The following ZMYM4 variants were observed in gnomAD, a reference collection of about 807,000 sequenced individuals.
ZMYM4 encodes the protein zinc finger MYM-type protein 4.
Under a neutral mutation model 183.2 loss-of-function variants are expected in ZMYM4, and 31 were observed. That is an observed-to-expected ratio of 0.17 (90% CI 0.13 to 0.23). The LOEUF (loss-of-function observed/expected upper bound fraction) is 0.23. ZMYM4 is among the 10% of genes least tolerant of loss of function. The pLI, the probability that ZMYM4 is intolerant of heterozygous loss-of-function variation, is 1.00. For synonymous variants in ZMYM4, 592 were observed against 631.2 expected, an observed-to-expected ratio of 0.94 and a Z score of 0.93; for missense variants, 1,273 against 1,840.3, an observed-to-expected ratio of 0.69 and a Z score of 5.64.
intron 25 of ZMYM4, among the ~76,000 whole-genome samples, chr1:35,405,695 G>A (rs902260696): frequency 6.6e-6 from 1 of 151,468 alleles, no homozygotes; most frequent in African/African-American, 2.4e-5. Flanking sequence ...TTGACACTGT[G>A]CAAGTGCCTC....
In ZMYM4 at chr1:35,272,491, A is replaced by G. The variant is rs570188320; in HGVS notation, c.39+3406A>G. Among the ~76,000 whole-genome samples, 177 of 152,340 alleles carry G rather than the reference A, an allele frequency of 1.2e-3. 1 individual carries two copies. The highest frequency in any genetic ancestry group is 4.1e-3 in the African/African-American group (172 of 41,570). ...GGACATCTTGTGACCTCTACACAGT[A>G]GGAACTCAAAAGACTTGCTGACTTA... On this transcript the variant is annotated intron_variant, in intron 1 of 29. Coordinates refer to ENST00000314607, the MANE Select transcript of ZMYM4 (RefSeq NM_005095.3).
At chr1:35,369,051 T>C (rs1644149937) in intron 5 of ZMYM4, among the ~76,000 whole-genome samples, 1 of 152,198 alleles carries the variant, frequency 6.6e-6, no homozygotes, top group Non-Finnish European at 1.5e-5. Context: ...ATGTGTTATG[T>C]TTCTTAAATA....
Position 35,268,904 on chromosome 1 carries a change from C to T in ZMYM4, c.-143C>T, listed in dbSNP as rs563138342. ...GCCCGGCGCGCGGCATCCGCCCCCT[C>T]CCCACTCTCGGCGCAAGGCCCGGCC... is the stretch of plus-strand genomic sequence containing the variant. On this transcript the variant is annotated 5_prime_UTR_variant, in exon 1 of 30. Transcript: ENST00000314607. 1,212 of 934,774 alleles carry T rather than the reference C, an allele frequency of 1.3e-3. 1 individual carries two copies. Among genetic ancestry groups the T allele is most frequent in the Admixed American group, 2.3e-3 (51 of 22,460 alleles). 57.9% of individuals were successfully genotyped at this position (934,774 alleles called of 1,614,324 possible).
Position 35,381,704 on chromosome 1 carries a change from A to G in ZMYM4, c.1515A>G (p.Ile505Met). 1 of 1,614,234 alleles carries G rather than the reference A, an allele frequency of 6.2e-7. No homozygotes were observed. The highest frequency in any genetic ancestry group is 1.3e-5 in the African/African-American group (1 of 75,054). Residue 505 changes from isoleucine (I) to methionine (M), a missense_variant, in exon 9 of 30, where the codon ATA becomes ATG. By Grantham distance (10) the Ile-to-Met change is conservative. Around this residue, in one of 6 missense-constraint regions of ZMYM4, gnomAD observed 319 missense variants for 518.1 expected, o/e 0.62. Coordinates refer to ENST00000314607, the MANE Select transcript of ZMYM4 (RefSeq NM_005095.3). ...CGGGACAATGCCACATGCTTCAGAT[A>G]GAGGGACAGTCTAAGAAGTTTTGTA... is the stretch of plus-strand genomic sequence containing the variant. ...SGSGQCHMLQ[I>M]EGQSKKFCSS...
At chr1:35,328,061 C>G (rs145815890) in intron 2 of ZMYM4, among the ~76,000 whole-genome samples, 1,859 of 152,214 alleles carry the variant, frequency 0.012, 44 homozygotes, top group African/African-American at 0.041. Context: ...AATCATATAG[C>G]TTTCTAATGA....
chr1:35,352,336 A>T lies in ZMYM4; in HGVS notation c.86-6589A>T, dbSNP rs1273340457. Among the ~76,000 whole-genome samples the T allele has an allele frequency of 1.5e-4, 22 of 147,702 alleles. No individual in the cohort carries two copies. In the East Asian group the frequency reaches 4.4e-3, roughly 30 times the overall value. ...CCAAAGTCCAAAAAACAAAAACCAG[A>T]CTGGGCAACAGAGCAAGACCTTGTC... On this transcript the variant is annotated intron_variant, in intron 2 of 29. Coordinates refer to ENST00000314607, the MANE Select transcript of ZMYM4 (RefSeq NM_005095.3).
chr1:35,315,374 T>A (rs1021351982), intron 1 of ZMYM4, among the ~76,000 whole-genome samples: 14 of 152,266 alleles, frequency 9.2e-5, no homozygotes, highest in Non-Finnish European at 2.1e-4. Context: ...ACGTAGAACT[T>A]TGGTTTTTAT....
At position 35,359,079 on chromosome 1, in the gene ZMYM4, A is replaced by G; in HGVS notation, c.240A>G (p.Ala80=). Residue 80 remains alanine (A), a synonymous_variant, in exon 3 of 30, where the codon GCA becomes GCG. Coordinates refer to ENST00000314607, the MANE Select transcript of ZMYM4 (RefSeq NM_005095.3). ...DDYFLNSGDL[A]GIPVVGSDNE... is the part of the protein sequence containing the mutation. Reference sequence around the variant, plus strand: ...ATTTTTTGAACTCTGGGGATCTTGCAGGAATTCCAGTCGTTGGTAGTGACA... The same window carrying G: ...ATTTTTTGAACTCTGGGGATCTTGCGGGAATTCCAGTCGTTGGTAGTGACA... 1.9e-6 allele frequency: 3 copies of G among 1,613,746 alleles called. No homozygotes were observed. The highest frequency in any genetic ancestry group is 1.7e-4 in the Middle Eastern group (1 of 6,056).
At chr1:35,395,115 C>T (rs944039705) in intron 18 of ZMYM4, among the ~76,000 whole-genome samples, 4 of 151,650 alleles carry the variant, frequency 2.6e-5, no homozygotes, top group Admixed American at 1.3e-4. Context: ...TGAGATTTTG[C>T]ATTTCTTATA....
At chr1:35,282,361 C>T (rs182694254) in intron 1 of ZMYM4, among the ~76,000 whole-genome samples, 4 of 152,294 alleles carry the variant, frequency 2.6e-5, no homozygotes, top group Admixed American at 2.6e-4. Flanking sequence ...TAGCCCTCAC[C>T]AAAAGCTAAG....
chr1:35,333,890 C>T (rs1307005190), intron 2 of ZMYM4, among the ~76,000 whole-genome samples: 1 of 152,060 alleles, frequency 6.6e-6, no homozygotes, highest in Non-Finnish European at 1.5e-5. Context: ...AAGTCATCTT[C>T]TGCTTTGTTT....
chr1:35,374,654 T>G (rs1441851632), intron 7 of ZMYM4, among the ~76,000 whole-genome samples: 1 of 147,022 alleles, frequency 6.8e-6, no homozygotes, highest in Non-Finnish European at 1.5e-5. Context: ...CTAAAAAAAG[T>G]CAGCCACATC....
intron 2 of ZMYM4, among the ~76,000 whole-genome samples, chr1:35,337,078 G>T (rs924158096): frequency 6.6e-6 from 1 of 152,080 alleles, no homozygotes; most frequent in African/African-American, 2.4e-5. Context: ...CTCTTTCTGG[G>T]CCGGGCACGG....
Position 35,360,778 on chromosome 1 carries a change from G to T in ZMYM4, c.608-416G>T, listed in dbSNP as rs142233508. 5.0e-3 allele frequency among the ~76,000 whole-genome samples: 767 copies of T among 152,076 alleles called. 2 individuals carry two copies. The highest frequency in any genetic ancestry group is 0.024 in the Middle Eastern group (7 of 294). The stretch of plus-strand genomic sequence containing the variant: ...TTTTAGGGATTCTTAGAAGAGAGAT[G>T]ATTTTTAACTTAGTGAACAGGGAAG... On this transcript the variant is annotated intron_variant, in intron 3 of 29. Transcript: ENST00000314607.
At chr1:35,283,281 T>C (rs1439971308) in intron 1 of ZMYM4, among the ~76,000 whole-genome samples, 1 of 149,460 alleles carries the variant, frequency 6.7e-6, no homozygotes, top group Non-Finnish European at 1.5e-5. Context: ...TTTCAAAGTC[T>C]TTTATTTTTG....
At chr1:35,401,452 GT>G (rs1309041503) in intron 23 of ZMYM4, among the ~76,000 whole-genome samples, 3 of 152,120 alleles carry the variant, frequency 2.0e-5, no homozygotes, top group Admixed American at 1.3e-4. Flanking sequence ...TTTATTCACA[GT>G]TTTCGCACAT....
intron 13 of ZMYM4, among the ~76,000 whole-genome samples, chr1:35,388,679 C>T (rs1310019178): frequency 6.6e-6 from 1 of 151,914 alleles, no homozygotes; most frequent in Non-Finnish European, 1.5e-5. Context: ...AAAACTTTGT[C>T]CTAGACCACT....
intron 1 of ZMYM4, among the ~76,000 whole-genome samples, chr1:35,318,694 G>C (rs1300995510): frequency 6.6e-6 from 1 of 152,144 alleles, no homozygotes; most frequent in East Asian, 1.9e-4. Context: ...CTGACCTCAA[G>C]TCATCCGCCT....
chr1:35,329,846 G>A (rs1033864987), intron 2 of ZMYM4, among the ~76,000 whole-genome samples: 10 of 151,942 alleles, frequency 6.6e-5, no homozygotes, highest in African/African-American at 2.2e-4. Flanking sequence ...GAGTCACCAC[G>A]CCCTACCCTT....
Sources: gnomAD v4.1 joint callset for allele counts (sites outside exome capture counted in the v4.1 genomes callset) on GRCh38, gnomAD v4.1.1 for gene constraint, gnomAD v4.1.1 regional missense constraint, MANE v1.5 for transcripts, NCBI Gene and HGNC (gene_info 2026-07-23, HGNC 2026-07-21) for gene names.